The following LMAN2 variants were observed in gnomAD, a reference collection of about 807,000 sequenced individuals.
LMAN2 encodes the protein lectin, mannose binding 2, also known as vesicular integral-membrane protein VIP36.
A neutral mutation model predicts 39.3 loss-of-function variants in LMAN2; 22 were observed. That is an observed-to-expected ratio of 0.56 (90% confidence interval 0.40 to 0.80). The LOEUF (loss-of-function observed/expected upper bound fraction) is 0.80. LMAN2 is among the 30% of genes least tolerant of loss of function. The pLI is 0.00. For missense variants in LMAN2, 494 were observed against 505.4 expected (o/e 0.98, Z 0.22); for synonymous variants, 207 against 207.8 (o/e 1.00, Z 0.03).
intron 2 of LMAN2, among the ~76,000 whole-genome samples, chr5:177,341,729 G>A (rs1761556994): frequency 6.6e-6 from 1 of 152,172 alleles, no homozygotes; most frequent in Non-Finnish European, 1.5e-5. Flanking sequence ...TGACTATAAG[G>A]GTGAAAATCT....
At chr5:177,335,058 A>C (rs1761449193) in intron 6 of LMAN2, among the ~76,000 whole-genome samples, 1 of 152,212 alleles carries the variant, frequency 6.6e-6, no homozygotes, top group South Asian at 2.1e-4. Flanking sequence ...AGAGATGAGG[A>C]GGCTGAGGCT....
chr5:177,338,641 C>T, intron 2 of LMAN2, 36 bp from the exon 3 acceptor site: 1 of 1,571,330 alleles, frequency 6.4e-7, no homozygotes, highest in East Asian at 2.2e-5. Context: ...TCAGAGCTCC[C>T]CAGGGCCTTC....
Position 177,351,422 on chromosome 5 carries a change from C to G in LMAN2, c.196+30G>C, listed in dbSNP as rs750847720. ...AGCCCTGTTCAGCCTCGCCCTCACT[C>G]TTCACTCATTCCCGCCCCAAGGGCT... On this transcript the variant is annotated intron_variant, in intron 1 of 7. Coordinates refer to ENST00000303127, the MANE Select transcript of LMAN2 (RefSeq NM_006816.3). The G allele has an allele frequency of 3.1e-6, 5 of 1,609,038 alleles. No individual in the cohort carries two copies. In the East Asian group the frequency reaches 1.1e-4, roughly 36 times the overall value.
chr5:177,351,613 C>T lies in LMAN2; in HGVS notation c.35G>A (p.Trp12Ter). The T allele has an allele frequency of 6.2e-7, 1 of 1,604,218 alleles. No individual in the cohort carries two copies. The highest frequency in any genetic ancestry group is 8.5e-7 in the Non-Finnish European group (1 of 1,176,878). ...AGGCCTTCCCAGGCACCGCCGGCCC[C>T]AGCCCCAACGCCAAATCCAGCCTTC... ...AAEGWIWRWGWGRRCLGRPGL... is the reference protein window; with the variant it reads ...AAEGWIWRWG Residue 12 changes from tryptophan to a stop codon, truncating the protein, a stop_gained, in exon 1 of 8, where the codon TGG becomes TAG. Coordinates refer to ENST00000303127, the MANE Select transcript of LMAN2 (RefSeq NM_006816.3). LOFTEE classifies it high-confidence loss of function.
Position 177,337,434 on chromosome 5 carries a change from A to G in LMAN2, c.604T>C (p.Cys202Arg). 6.2e-7 allele frequency: 1 copy of G among 1,613,696 alleles called. No homozygotes were observed. Among genetic ancestry groups the G allele is most frequent in the Non-Finnish European group, 8.5e-7 (1 of 1,180,006 alleles). ...KDGRWTELAG[C>R]TADFRNRDHD... The stretch of plus-strand genomic sequence containing the variant: ...TCGCGGTTGCGGAAGTCAGCCGTGC[A>G]GCCCGCCAGCTCGGTCCAGCGCCCA... Residue 202 changes from cysteine (C) to arginine (R), a missense_variant, in exon 5 of 8, where the codon TGC becomes CGC. Cys to Arg is a radical substitution (Grantham distance 180, BLOSUM62 -3). Transcript: ENST00000303127. The surrounding 1 kb of genome is among the most constrained non-coding windows in gnomAD (Gnocchi z 8.2).
In LMAN2 at chr5:177,351,516, C is replaced by T. The variant is rs747226885; in HGVS notation, c.132G>A (p.Ala44=). 6 of 1,614,286 alleles carry T rather than the reference C, an allele frequency of 3.7e-6. No homozygotes were observed. The East Asian group carries it at 1.1e-4, about 30-fold the overall frequency. Residue 44 remains alanine (A), a synonymous_variant, in exon 1 of 8, where the codon GCG becomes GCA. Coordinates refer to ENST00000303127, the MANE Select transcript of LMAN2 (RefSeq NM_006816.3). The stretch of plus-strand genomic sequence containing the variant: ...GTTCACTGTTGCCGTCAGTTATATC[C>T]GCAGTCACAGACCCCAACAACAAAA... ...FLLLLLGSVT[A]DITDGNSEHL...
chr5:177,339,501 A>AG lies in LMAN2; in HGVS notation c.316-897dup, dbSNP rs1409750017. Among the ~76,000 whole-genome samples the AG allele has an allele frequency of 7.9e-5, 12 of 152,364 alleles. No individual in the cohort carries two copies. The East Asian group carries it at 2.3e-3, about 29-fold the overall frequency. ...ACGCCAAGGGAGAAAGCCTTGCCTT[A>AG]GGCATCAGGAAGTCGCTTGTGAAAA... On this transcript the variant is annotated intron_variant, in intron 2 of 7. Coordinates refer to ENST00000303127, the MANE Select transcript of LMAN2 (RefSeq NM_006816.3).
Position 177,337,449 on chromosome 5 carries a change from T to C in LMAN2, c.589A>G (p.Thr197Ala), listed in dbSNP as rs755729384. The change falls in exon 5 of 8, where the codon ACC becomes GCC. Residue 197 changes from threonine (T) to alanine (A), a missense_variant. Coordinates refer to ENST00000303127, the MANE Select transcript of LMAN2 (RefSeq NM_006816.3). The surrounding 1 kb of genome is among the most constrained non-coding windows in gnomAD (Gnocchi z 8.2). ...SYDHSKDGRW[T>A]ELAGCTADFR... is the part of the protein sequence containing the mutation. ...TCAGCCGTGCAGCCCGCCAGCTCGG[T>C]CCAGCGCCCATCCTTGCTGTGGTCG... The C allele has an allele frequency of 6.2e-7, 1 of 1,613,810 alleles. No homozygotes were observed. The highest frequency in any genetic ancestry group is 1.1e-5 in the South Asian group (1 of 91,088).
chr5:177,347,653 G>A (rs938566146), intron 2 of LMAN2, among the ~76,000 whole-genome samples: 5 of 152,154 alleles, frequency 3.3e-5, no homozygotes, highest in Non-Finnish European at 5.9e-5. Context: ...GGCAATAAGA[G>A]GCTATTTTAC....
rs1321612906 is a variant in LMAN2 at position 177,332,306 on chromosome 5, C to T, written c.911-60G>A. The T allele has an allele frequency of 2.6e-6, 4 of 1,512,570 alleles. No individual in the cohort carries two copies. Among genetic ancestry groups the T allele is most frequent in the Non-Finnish European group, 3.6e-6 (4 of 1,104,792 alleles). The allele number at this position is 1,512,570 out of a possible 1,614,324, so 93.7% of individuals were successfully genotyped here. On this transcript the variant is annotated intron_variant, in intron 7 of 7. Coordinates refer to ENST00000303127, the MANE Select transcript of LMAN2 (RefSeq NM_006816.3). The surrounding 1 kb of genome is among the most constrained non-coding windows in gnomAD (Gnocchi z 6.3). ...GCACGGGCCGGGGATCAGGGGGCTG[C>T]AGGAGGGCAGTGGGGATGGAACAGG... is the stretch of plus-strand genomic sequence containing the variant.
chr5:177,344,112 A>G (rs1761598213), intron 2 of LMAN2, among the ~76,000 whole-genome samples: 1 of 151,356 alleles, frequency 6.6e-6, no homozygotes, highest in African/African-American at 2.4e-5. Flanking sequence ...CCAGCTACTC[A>G]GGACACTAAG....
intron 6 of LMAN2, 24 bp from the exon 7 acceptor site, chr5:177,334,427 T>A (rs1302476476): frequency 6.2e-7 from 1 of 1,606,470 alleles, no homozygotes; most frequent in East Asian, 2.2e-5. Context: ...AATAAACCTG[T>A]GACAGCCTAC....
In LMAN2 at chr5:177,339,747, T is replaced by C. The variant is rs141250407; in HGVS notation, c.316-1142A>G. Among the ~76,000 whole-genome samples, 11 of 152,264 alleles carry C rather than the reference T, an allele frequency of 7.2e-5. 1 individual carries two copies. The highest frequency in any genetic ancestry group is 1.9e-4 in the African/African-American group (8 of 41,540). ...AAGGAACATGAACCAGTATTAATGA[T>C]GGGTAATTCTGGGAGGGGGATTATG... On this transcript the variant is annotated intron_variant, in intron 2 of 7. Transcript: ENST00000303127.
At chr5:177,339,370 C>A (rs1391919765) in intron 2 of LMAN2, among the ~76,000 whole-genome samples, 2 of 152,236 alleles carry the variant, frequency 1.3e-5, no homozygotes, top group Non-Finnish European at 2.9e-5. Flanking sequence ...ACCTCCCCAG[C>A]CCAGCCTAAG....
intron 6 of LMAN2, 142 bp downstream of exon 6, chr5:177,336,994 C>T (rs1761483333): frequency 1.5e-6 from 1 of 653,724 alleles, no homozygotes; most frequent in Non-Finnish European, 2.7e-6. Flanking sequence ...CCGGACAGGC[C>T]ATTTACAGAA....
Position 177,337,112 on chromosome 5 carries a change from C to A in LMAN2, c.790+24G>T, listed in dbSNP as rs1353549558. 1.9e-6 allele frequency: 3 copies of A among 1,576,786 alleles called. No homozygotes were observed. Among genetic ancestry groups the A allele is most frequent in the Admixed American group, 3.3e-5 (2 of 59,900 alleles). ...CCTCAGGGTGAGCTGGGCTGGGAACCAACGCCTGGCCCGGCCCACTCACCA... is the reference window on the plus strand; with the variant it reads ...CCTCAGGGTGAGCTGGGCTGGGAACAAACGCCTGGCCCGGCCCACTCACCA... On this transcript the variant is annotated intron_variant, in intron 6 of 7. Coordinates refer to ENST00000303127, the MANE Select transcript of LMAN2 (RefSeq NM_006816.3). This position sits in a 1 kb window ranked among gnomAD's most constrained non-coding sequence, Gnocchi z 8.2.
rs747549830 is a variant in LMAN2 at position 177,337,211 on chromosome 5, A to T, written c.715T>A (p.Cys239Ser). ...DLEDKNEWKN[C>S]IDITGVRLPT... ...AGGCGCACTCCCGTGATGTCAATGC[A>T]GTTCTTCCACTCGTTCTTGTCCTCC... Residue 239 changes from cysteine (C) to serine (S), a missense_variant, in exon 6 of 8, where the codon TGC becomes AGC. Cys to Ser is a moderately radical substitution (Grantham distance 112). Transcript: ENST00000303127. This position sits in a 1 kb window ranked among gnomAD's most constrained non-coding sequence, Gnocchi z 8.2. 6.2e-7 allele frequency: 1 copy of T among 1,614,072 alleles called. No individual in the cohort carries two copies. Among genetic ancestry groups the T allele is most frequent in the East Asian group, 2.2e-5 (1 of 44,872 alleles).
At chr5:177,348,960 TTA>T (rs1389439207) in intron 2 of LMAN2, among the ~76,000 whole-genome samples, 1 of 152,188 alleles carries the variant, frequency 6.6e-6, no homozygotes, top group Non-Finnish European at 1.5e-5. Context: ...CTGAACAGTT[TTA>T]GTTTAAAATG....
At chr5:177,346,456 T>G in intron 2 of LMAN2, 2 of 334,654 alleles carry the variant, frequency 6.0e-6, no homozygotes, top group Non-Finnish European at 1.0e-5. Flanking sequence ...TGATTACCGG[T>G]TGTTGTTTTT....
Sources: allele counts gnomAD v4.1 joint callset (sites outside exome capture counted in the v4.1 genomes callset), GRCh38; gene constraint gnomAD v4.1.1; non-coding constraint Gnocchi (gnomAD v3.1); transcripts MANE v1.5; gene names NCBI Gene and HGNC (gene_info 2026-07-23, HGNC 2026-07-21).